CEP112: variants seen among roughly 807,000 people sequenced by gnomAD.
CEP112 encodes centrosomal protein of 112 kDa.
A neutral mutation model predicts 153.0 loss-of-function variants in CEP112; 127 were observed. That is an observed-to-expected ratio of 0.83 (90% confidence interval 0.72 to 0.96). CEP112 has a LOEUF of 0.96. CEP112 is among the 40% of genes least tolerant of loss of function. The pLI is 0.00. For synonymous variants in CEP112, 358 were observed against 374.4 expected (o/e 0.96, Z 0.51); for missense variants, 1,089 against 1,101.2 (o/e 0.99, Z 0.16).
intron 21 of CEP112, among the ~76,000 whole-genome samples, chr17:65,770,250 A>C (rs1421032): frequency 0.48 from 72,728 of 151,656 alleles, 19,110 homozygotes; most frequent in East Asian, 0.78. Flanking sequence ...ATCTTATAAG[A>C]AGCCAGAGAA....
rs116368037 is a variant in CEP112 at position 65,709,141 on chromosome 17, T to C, written c.2608-19923A>G. 7.6e-3 allele frequency among the ~76,000 whole-genome samples: 1,159 copies of C among 152,250 alleles called. 16 individuals carry two copies. The highest frequency in any genetic ancestry group is 0.026 in the African/African-American group (1,090 of 41,548). ...CAAAATAACAATAATCTCCCCTTTA[T>C]AGGGAAATAAGCTGCCTGAACTCCA... is the stretch of plus-strand genomic sequence containing the variant. On this transcript the variant is annotated intron_variant, in intron 23 of 26. Coordinates refer to ENST00000535342, the MANE Select transcript of CEP112 (RefSeq NM_001199165.4).
intron 21 of CEP112, among the ~76,000 whole-genome samples, chr17:65,849,827 T>C (rs1294406667): frequency 1.3e-5 from 2 of 152,158 alleles, no homozygotes; most frequent in Non-Finnish European, 2.9e-5. Flanking sequence ...CTCTTTTATC[T>C]GCTATTGTCA....
At chr17:66,034,601 C>G (rs202179873) in intron 12 of CEP112, among the ~76,000 whole-genome samples, 1 of 96,574 alleles carries the variant, frequency 1.0e-5, no homozygotes, top group African/African-American at 3.7e-5. Flanking sequence ...TGAATAATTA[C>G]AGTGGAGATG....
chr17:65,915,524 G>A (rs886241090), intron 19 of CEP112, among the ~76,000 whole-genome samples: 4 of 152,084 alleles, frequency 2.6e-5, no homozygotes, highest in Non-Finnish European at 5.9e-5. Context: ...AGTAGCTCAC[G>A]CCTGTAATCC....
chr17:65,668,937 C>T (rs2046832783), intron 24 of CEP112, among the ~76,000 whole-genome samples: 1 of 152,180 alleles, frequency 6.6e-6, no homozygotes, highest in African/African-American at 2.4e-5. Flanking sequence ...CATCTAATGC[C>T]CCATATTGTC....
At chr17:65,970,025 ACGCC>A (rs2062606951) in intron 17 of CEP112, among the ~76,000 whole-genome samples, 1 of 152,174 alleles carries the variant, frequency 6.6e-6, no homozygotes, top group Non-Finnish European at 1.5e-5. Flanking sequence ...GCGAACATGC[ACGCC>A]ACATGCATAT....
At chr17:65,679,129 CTTTTTTTTTTTT>C (rs57907674) in intron 24 of CEP112, among the ~76,000 whole-genome samples, 41 of 31,608 alleles carry the variant, frequency 1.3e-3, no homozygotes, top group African/African-American at 4.0e-3. Context: ...GTGGTTCAAG[CTTTTTTTTTTTT>C]TTTTTTTTTT....
intron 19 of CEP112, among the ~76,000 whole-genome samples, chr17:65,920,362 AAT>A (rs55934550): frequency 0.049 from 2,081 of 42,540 alleles, 48 homozygotes; most frequent in Middle Eastern, 0.066. Context: ...AAACAAACAA[AAT>A]ATATATATAT....
At chr17:65,868,964 C>A (rs949317016) in intron 20 of CEP112, among the ~76,000 whole-genome samples, 1 of 152,144 alleles carries the variant, frequency 6.6e-6, no homozygotes, top group Non-Finnish European at 1.5e-5. Context: ...AATTTGAACA[C>A]GTGTTCTCAT....
intron 21 of CEP112, chr17:65,750,972 G>C (rs2051810551): frequency 2.4e-6 from 1 of 408,922 alleles, no homozygotes. Context: ...AAGAGAAAGG[G>C]AGAAAGAGAG....
At chr17:65,708,773 A>G (rs1464479032) in intron 23 of CEP112, among the ~76,000 whole-genome samples, 1 of 152,232 alleles carries the variant, frequency 6.6e-6, no homozygotes, top group Non-Finnish European at 1.5e-5. Flanking sequence ...AAGGCAAGAC[A>G]TATCTAAAGG....
chr17:66,128,725 T>C (rs2069982273), intron 6 of CEP112, among the ~76,000 whole-genome samples: 1 of 152,182 alleles, frequency 6.6e-6, no homozygotes, highest in Non-Finnish European at 1.5e-5. Flanking sequence ...AATTCAGATG[T>C]CCAAAAATAG....
chr17:65,777,078 G>A (rs181324563), intron 21 of CEP112, among the ~76,000 whole-genome samples: 32 of 152,282 alleles, frequency 2.1e-4, no homozygotes, highest in Admixed American at 1.6e-3. Flanking sequence ...GCAGCTGGAC[G>A]TGGTCATGTG....
At chr17:65,887,197 C>T (rs967416175) in intron 20 of CEP112, among the ~76,000 whole-genome samples, 3 of 152,064 alleles carry the variant, frequency 2.0e-5, no homozygotes, top group Admixed American at 6.6e-5. Flanking sequence ...GAGACACATT[C>T]GGGTTCACAT....
chr17:66,107,765 A>C (rs745827890), intron 6 of CEP112, among the ~76,000 whole-genome samples: 19 of 152,106 alleles, frequency 1.2e-4, no homozygotes, highest in Non-Finnish European at 2.5e-4. Context: ...AAATACCAAC[A>C]ACATTCTTCA....
rs9889480 is a variant in CEP112, at chr17:65,659,251, C to T, written c.2698-18186G>A. 2.9e-3 allele frequency among the ~76,000 whole-genome samples: 448 copies of T among 152,212 alleles called. 4 individuals are homozygous for T. Among genetic ancestry groups the T allele is most frequent in the African/African-American group, 0.01 (431 of 41,524 alleles). Reference sequence around the variant, plus strand: ...CCACATCTAACCTTCAGTTAAATATCGTTCAAAATATCTGATTTAGACAGA... The same window carrying T: ...CCACATCTAACCTTCAGTTAAATATTGTTCAAAATATCTGATTTAGACAGA... On this transcript the variant is annotated intron_variant, in intron 24 of 26. Coordinates refer to ENST00000535342, the MANE Select transcript of CEP112 (RefSeq NM_001199165.4).
intron 20 of CEP112, among the ~76,000 whole-genome samples, chr17:65,889,668 T>C (rs2059397079): frequency 6.6e-6 from 1 of 152,164 alleles, no homozygotes; most frequent in African/African-American, 2.4e-5. Context: ...CATGATTCTT[T>C]AATCTTATTT....
chr17:65,700,015 C>T (rs1367996094), intron 23 of CEP112, among the ~76,000 whole-genome samples: 1 of 152,100 alleles, frequency 6.6e-6, no homozygotes, highest in East Asian at 1.9e-4. Context: ...TTAGAACACT[C>T]TACTTCCAGA....
intron 17 of CEP112, among the ~76,000 whole-genome samples, chr17:65,974,121 A>T (rs1317234871): frequency 6.6e-6 from 1 of 151,864 alleles, no homozygotes. Flanking sequence ...TTGTCACCCA[A>T]GCTGGAGTGC....
Sources: gnomAD v4.1 joint callset for allele counts (sites outside exome capture counted in the v4.1 genomes callset) on GRCh38, gnomAD v4.1.1 for gene constraint, MANE v1.5 for transcripts, NCBI Gene and HGNC (gene_info 2026-07-23, HGNC 2026-07-21) for gene names.